Variants in STMN1 observed in about 807,000 individuals in gnomAD.
STMN1 encodes the protein stathmin 1.
In STMN1, 3 loss-of-function variants were observed where a neutral mutation model predicts 19.7. The observed-to-expected ratio is 0.15, with a 90% CI of 0.07 to 0.39. The LOEUF is 0.39. STMN1 is among the 10% of genes least tolerant of loss of function. The pLI, the probability that STMN1 is intolerant of heterozygous loss-of-function variation, is 1.00. For missense variants in STMN1, 99 were observed against 176.0 expected, an observed-to-expected ratio of 0.56 and a Z score of 2.48; for synonymous variants, 59 against 58.9, an observed-to-expected ratio of 1.00 and a Z score of -0.01.
At chr1:25,894,948 A>C (rs908773258) in intron 4 of STMN1, among the ~76,000 whole-genome samples, 2 of 151,992 alleles carry the variant, frequency 1.3e-5, no homozygotes, top group African/African-American at 4.8e-5. Flanking sequence ...AAAAAGTACC[A>C]TGTGATCCTG....
intron 4 of STMN1, chr1:25,887,456 TG>T: frequency 2.6e-6 from 1 of 384,332 alleles, no homozygotes; most frequent in Non-Finnish European, 5.1e-6. Flanking sequence ...AAGGGCTATC[TG>T]GCATCTTAGA....
chr1:25,899,091 G>T (rs2048846466), downstream of STMN1, among the ~76,000 whole-genome samples: 1 of 152,198 alleles, frequency 6.6e-6, no homozygotes, highest in African/African-American at 2.4e-5. Flanking sequence ...CTGTCACAAG[G>T]CAGGGGCTCA....
At chr1:25,888,144 G>A (rs1351044219) in intron 4 of STMN1, among the ~76,000 whole-genome samples, 1 of 152,120 alleles carries the variant, frequency 6.6e-6, no homozygotes, top group Non-Finnish European at 1.5e-5. Context: ...ATAACATGGG[G>A]ATAATCAGAA....
downstream of STMN1, among the ~76,000 whole-genome samples, chr1:25,896,638 C>T (rs559228804): frequency 3.3e-5 from 5 of 152,306 alleles, no homozygotes; most frequent in Admixed American, 1.3e-4. Context: ...AACCAGAGCC[C>T]TTCCATGAAG....
chr1:25,904,288 C>T (rs2048911807), intron 2 of STMN1, among the ~76,000 whole-genome samples: 2 of 151,956 alleles, frequency 1.3e-5, no homozygotes, highest in African/African-American at 4.8e-5. Flanking sequence ...AATTAAGCCA[C>T]TGCACTCCAG....
At chr1:25,885,949 G>A in intron 4 of STMN1, 2 of 1,433,900 alleles carry the variant, frequency 1.4e-6, no homozygotes. Flanking sequence ...CTTCATCAGG[G>A]CTAAAACAGT....
intron 4 of STMN1, among the ~76,000 whole-genome samples, chr1:25,890,947 G>A (rs2048769015): frequency 6.6e-6 from 1 of 152,168 alleles, no homozygotes; most frequent in South Asian, 2.1e-4. Context: ...AATTAGCAGT[G>A]GATGAGTGAC....
At chr1:25,888,102 T>C (rs1234961040) in intron 4 of STMN1, among the ~76,000 whole-genome samples, 1 of 152,174 alleles carries the variant, frequency 6.6e-6, no homozygotes, top group Non-Finnish European at 1.5e-5. Context: ...GCTGGTTAGC[T>C]GTGTGACTAG....
intron 2 of STMN1, 39 bp downstream of exon 2, chr1:25,904,613 CTAAAATCATAAG>C (rs2048916025): frequency 6.4e-7 from 1 of 1,567,964 alleles, no homozygotes; most frequent in African/African-American, 1.4e-5. Flanking sequence ...CCATCTCAAT[CTAAAATCATAAG>C]CCCATTACAA....
At chr1:25,891,694 G>A (rs1557478107) in intron 4 of STMN1, among the ~76,000 whole-genome samples, 1 of 152,186 alleles carries the variant, frequency 6.6e-6, no homozygotes, top group African/African-American at 2.4e-5. Flanking sequence ...ACAGAGAGGC[G>A]GCCAGTGGGG....
chr1:25,902,410 C>T (rs76416461), intron 3 of STMN1: 1 of 152,296 alleles, frequency 6.6e-6, no homozygotes, highest in African/African-American at 2.4e-5. Flanking sequence ...AAATTCAAGA[C>T]TAAGTCTGTA....
At chr1:25,894,981 A>G (rs76052374) in intron 4 of STMN1, among the ~76,000 whole-genome samples, 21,626 of 152,096 alleles carry the variant, frequency 0.14, 2,096 homozygotes, top group Non-Finnish European at 0.21. Context: ...TGTCTGGCCC[A>G]TAGAGGTGCC....
chr1:25,888,405 G>C (rs945891174), intron 4 of STMN1, among the ~76,000 whole-genome samples: 1 of 152,150 alleles, frequency 6.6e-6, no homozygotes, highest in Non-Finnish European at 1.5e-5. Flanking sequence ...TCAAGGGTGA[G>C]AATCCTTGCT....
chr1:25,897,318 A>G (rs1253113470), downstream of STMN1, among the ~76,000 whole-genome samples: 1 of 139,552 alleles, frequency 7.2e-6, no homozygotes, highest in Admixed American at 8.1e-5. Context: ...CTCGAAAAAA[A>G]AAAAAAAAGA....
intron 1 of STMN1, 97 bp from the exon 2 acceptor site, chr1:25,904,835 G>A (rs777642669): frequency 6.7e-6 from 5 of 746,456 alleles, no homozygotes; most frequent in African/African-American, 1.8e-5. Context: ...TACATCGTCA[G>A]AAAAATACGT....
chr1:25,894,484 G>A lies in STMN1; in HGVS notation c.378+7007C>T, dbSNP rs80311583. Among the ~76,000 whole-genome samples the A allele has an allele frequency of 2.2e-3, 339 of 152,210 alleles. 11 individuals are homozygous for A. The East Asian group carries it at 0.058, about 26-fold the overall frequency. The stretch of plus-strand genomic sequence containing the variant: ...TGCTTGAGCTCAGGAGTTCGAGACC[G>A]GCCTGGGCAACATGGTGAAATCTTG... On this transcript the variant is annotated intron_variant, in intron 4 of 4. Coordinates refer to the STMN1 transcript ENST00000426559.
In STMN1 at chr1:25,900,694, CTTTTCACAAATATG is replaced by C; in HGVS notation, c.*308_*321del. ...AGTTCAAAAGAAGCCACTACATACT[CTTTTCACAAATATG>C]TTTTCACAGAGCCAATACAGTACTA... is the stretch of plus-strand genomic sequence containing the variant. On this transcript the variant is annotated 3_prime_UTR_variant, in exon 5 of 5. Transcript: ENST00000455785. The C allele has an allele frequency of 6.5e-6, 7 of 1,076,920 alleles. No homozygotes were observed. The highest frequency in any genetic ancestry group is 7.9e-6 in the Non-Finnish European group (7 of 889,034). The allele number at this position is 1,076,920 out of a possible 1,614,324, so 66.7% of individuals were successfully genotyped here. A position where few individuals can be genotyped will look rare whatever the true frequency, so the allele number is the denominator to read the frequency against.
rs1307151474 is a variant in STMN1, at chr1:25,904,871, C to T, written c.-62-133G>A. 1.2e-5 allele frequency: 6 copies of T among 499,362 alleles called. No individual in the cohort carries two copies. The South Asian group carries it at 3.0e-4, about 25-fold the overall frequency. 30.9% of individuals were successfully genotyped at this position (499,362 alleles called of 1,614,324 possible). A position where few individuals can be genotyped will look rare whatever the true frequency, so the allele number is the denominator to read the frequency against. ...GGAATAAAGACGTCTAAATTAACCA[C>T]GAAAAAAATTATCAAAATCTACTAA... On this transcript the variant is annotated intron_variant, in intron 1 of 4. Transcript: ENST00000455785.
At chr1:25,901,847 T>A in intron 3 of STMN1, 165 bp from the exon 4 acceptor site, 2 of 518,268 alleles carry the variant, frequency 3.9e-6, no homozygotes, top group Non-Finnish European at 3.1e-6. Flanking sequence ...CTACCTATAC[T>A]AAAAATACAA....
Sources: allele counts gnomAD v4.1 joint callset (sites outside exome capture counted in the v4.1 genomes callset), GRCh38; gene constraint gnomAD v4.1.1; transcripts MANE v1.5; gene names NCBI Gene and HGNC (gene_info 2026-07-23, HGNC 2026-07-21).